SVOP: variants seen among roughly 807,000 people sequenced by gnomAD.
SVOP encodes the protein SV2 related protein.
In SVOP, 17 loss-of-function variants were observed where a neutral mutation model predicts 69.1. The ratio of observed to expected loss-of-function variants is 0.25; its 90% CI spans 0.17 to 0.37. The LOEUF is 0.37. Ranked by LOEUF, SVOP falls within the 10% of genes least tolerant of loss-of-function variation. The pLI is 1.00. For synonymous variants in SVOP, 238 were observed against 238.6 expected (o/e 1.00, Z 0.02); for missense variants, 435 against 597.5 (o/e 0.73, Z 2.84).
At chr12:108,952,681 C>A (rs950627476) in intron 6 of SVOP, among the ~76,000 whole-genome samples, 3 of 152,014 alleles carry the variant, frequency 2.0e-5, no homozygotes, top group African/African-American at 4.8e-5. Context: ...CTGTGCCCTG[C>A]AGCCCATCTC....
At chr12:108,981,708 G>A (rs1457987116) in intron 2 of SVOP, among the ~76,000 whole-genome samples, 1 of 152,202 alleles carries the variant, frequency 6.6e-6, no homozygotes, top group Non-Finnish European at 1.5e-5. Flanking sequence ...AATTGGAACT[G>A]TTGTGAGGAT....
rs1463818587 is a variant in SVOP, at chr12:108,911,496, G to A, written c.*1039C>T. The A allele has an allele frequency of 6.6e-6, 1 of 152,338 alleles. No homozygotes were observed. The highest frequency in any genetic ancestry group is 1.5e-5 in the Non-Finnish European group (1 of 68,222). The allele number at this position is 152,338 out of a possible 1,614,324, so 9.4% of individuals were successfully genotyped here. A position where few individuals can be genotyped will look rare whatever the true frequency, so the allele number is the denominator to read the frequency against. ...GGCCGAGGCGGGTGGATCACTTGAGGTCAGGAGTTCGAGACCAGCCTGGCC... is the reference window on the plus strand; with the variant it reads ...GGCCGAGGCGGGTGGATCACTTGAGATCAGGAGTTCGAGACCAGCCTGGCC... On this transcript the variant is annotated 3_prime_UTR_variant, in exon 16 of 16. Transcript: ENST00000610966.
chr12:108,956,595 G>A (rs1420031352), intron 6 of SVOP, among the ~76,000 whole-genome samples: 5 of 152,190 alleles, frequency 3.3e-5, no homozygotes, highest in African/African-American at 7.2e-5. Flanking sequence ...AGTTTTGAAG[G>A]AGCAGCAATT....
At chr12:108,928,213 AC>A (rs1295509544) in intron 11 of SVOP, among the ~76,000 whole-genome samples, 1 of 148,040 alleles carries the variant, frequency 6.8e-6, no homozygotes. Flanking sequence ...CAACCCCCAC[AC>A]CCCCCTGACC....
At chr12:108,939,096 C>A in intron 8 of SVOP, 141 bp from the exon 9 acceptor site, 1 of 1,188,486 alleles carries the variant, frequency 8.4e-7, no homozygotes, top group Non-Finnish European at 1.2e-6. Context: ...ATCCTGGCCC[C>A]ACCATTTATT....
rs2039676391 is a variant in SVOP, at chr12:108,910,688, A to G, written c.*1847T>C. The G allele has an allele frequency of 6.6e-6, 1 of 152,168 alleles. No homozygotes were observed. The highest frequency in any genetic ancestry group is 2.4e-5 in the African/African-American group (1 of 41,440). The allele number at this position is 152,168 out of a possible 1,614,324, so 9.4% of individuals were successfully genotyped here. ...AGAAGTCCCCCATCATGACCTGCAC[A>G]CCATTAGAAGAAAGTGTTGTCTCCA... On this transcript the variant is annotated 3_prime_UTR_variant, in exon 16 of 16. Transcript: ENST00000610966.
At chr12:108,990,994 G>C (rs995309446) in intron 1 of SVOP, among the ~76,000 whole-genome samples, 1 of 152,200 alleles carries the variant, frequency 6.6e-6, no homozygotes, top group Non-Finnish European at 1.5e-5. Flanking sequence ...CGATTCTGCT[G>C]TCCCCCTGCC....
At chr12:108,969,067 G>A (rs886753677) in intron 5 of SVOP, among the ~76,000 whole-genome samples, 1 of 152,068 alleles carries the variant, frequency 6.6e-6, no homozygotes, top group African/African-American at 2.4e-5. Context: ...TTACAGGCAT[G>A]AGCCACCACT....
intron 4 of SVOP, among the ~76,000 whole-genome samples, chr12:108,976,598 C>CAT: frequency 7.4e-6 from 1 of 135,434 alleles, no homozygotes; most frequent in South Asian, 2.6e-4. Context: ...CTGGCCATTC[C>CAT]TCTCTCTCTC....
intron 11 of SVOP, among the ~76,000 whole-genome samples, chr12:108,927,130 C>T (rs1007598290): frequency 6.6e-6 from 1 of 152,166 alleles, no homozygotes; most frequent in Non-Finnish European, 1.5e-5. Context: ...GCCTGCCCCT[C>T]TTCATGTTAC....
At position 108,907,971 on chromosome 12, in the gene SVOP, G is replaced by A. The variant is rs558263004; in HGVS notation, c.*4564C>T. ...TGCTAAAGGGCAGGCCAATGCCACC[G>A]TGTCTGTACCTCTCCACCACTTCTT... On this transcript the variant is annotated 3_prime_UTR_variant, in exon 16 of 16. Coordinates refer to ENST00000610966, the MANE Select transcript of SVOP (RefSeq NM_018711.5). 7 of 152,384 alleles carry A rather than the reference G, an allele frequency of 4.6e-5. No homozygotes were observed. Among genetic ancestry groups the A allele is most frequent in the Admixed American group, 2.6e-4 (4 of 15,306 alleles). The allele number at this position is 152,384 out of a possible 1,614,324, so 9.4% of individuals were successfully genotyped here. A position where few individuals can be genotyped will look rare whatever the true frequency, so the allele number is the denominator to read the frequency against.
chr12:108,914,927 G>A (rs2039704437), intron 15 of SVOP, among the ~76,000 whole-genome samples: 1 of 151,328 alleles, frequency 6.6e-6, no homozygotes, highest in African/African-American at 2.4e-5. Flanking sequence ...TGTAATCCCA[G>A]CACTTTGGAG....
chr12:108,991,781 A>C (rs1404834045), intron 1 of SVOP, among the ~76,000 whole-genome samples: 5 of 36,654 alleles, frequency 1.4e-4, no homozygotes, highest in African/African-American at 2.7e-4. Flanking sequence ...CTACAAAAAA[A>C]AACAAAAAAA....
chr12:109,014,155 A>G (rs940938178), intron 1 of SVOP, among the ~76,000 whole-genome samples: 3 of 151,424 alleles, frequency 2.0e-5, no homozygotes, highest in Non-Finnish European at 4.4e-5. Flanking sequence ...AGCTGGGATT[A>G]CAGGTGCATG....
chr12:108,973,321 A>C lies in SVOP; in HGVS notation c.382-845T>G, dbSNP rs557141149. On this transcript the variant is annotated intron_variant, in intron 4 of 15. Coordinates refer to ENST00000610966, the MANE Select transcript of SVOP (RefSeq NM_018711.5). ...CATTTCTTGTGGCATGTCCGAGGGC[A>C]GGGAGTGGGGATGGTACACAGAAGC... Among the ~76,000 whole-genome samples the C allele has an allele frequency of 2.0e-5, 3 of 152,274 alleles. No homozygotes were observed. The South Asian group carries it at 6.2e-4, about 32-fold the overall frequency.
At chr12:108,986,546 G>T (rs2040166836) in intron 1 of SVOP, among the ~76,000 whole-genome samples, 1 of 152,122 alleles carries the variant, frequency 6.6e-6, no homozygotes, top group South Asian at 2.1e-4. Context: ...GCCAACATTT[G>T]TCCCTAGTTT....
At chr12:108,979,559 G>A (rs1396597654) in intron 2 of SVOP, among the ~76,000 whole-genome samples, 1 of 152,080 alleles carries the variant, frequency 6.6e-6, no homozygotes, top group African/African-American at 2.4e-5. Flanking sequence ...CTTTTGAAAG[G>A]TACAATTCCA....
intron 1 of SVOP, among the ~76,000 whole-genome samples, chr12:109,020,287 G>C (rs144379232): frequency 6.6e-6 from 1 of 152,086 alleles, no homozygotes; most frequent in East Asian, 1.9e-4. Flanking sequence ...AGGTTTCACC[G>C]ACCGTGCACA....
intron 6 of SVOP, among the ~76,000 whole-genome samples, chr12:108,955,813 C>CAGAA (rs1002097096): frequency 6.6e-6 from 1 of 152,190 alleles, no homozygotes; most frequent in Non-Finnish European, 1.5e-5. Flanking sequence ...GGGCATTTTA[C>CAGAA]AGAATGTTGT....
Sources: gnomAD v4.1 joint callset for allele counts (sites outside exome capture counted in the v4.1 genomes callset) on GRCh38, gnomAD v4.1.1 for gene constraint, MANE v1.5 for transcripts, NCBI Gene and HGNC (gene_info 2026-07-23, HGNC 2026-07-21) for gene names.